The following VAC14 variants were observed in gnomAD, a reference collection of about 807,000 sequenced individuals.
VAC14 encodes the protein VAC14 component of PIKFYVE complex, also known as protein VAC14 homolog.
VAC14 carries 47 observed loss-of-function variants against 85.3 expected under a neutral mutation model. The ratio of observed to expected loss-of-function variants is 0.55; its 90% CI spans 0.44 to 0.70. The LOEUF is 0.70. VAC14 is among the 30% of genes least tolerant of loss of function. The pLI, the probability that VAC14 is intolerant of heterozygous loss-of-function variation, is 0.00. For missense variants in VAC14, 861 were observed against 1,004.3 expected (o/e 0.86, Z 1.93); for synonymous variants, 447 against 430.5 (o/e 1.04, Z -0.47).
At chr16:70,742,383 T>C (rs1359576568) in intron 13 of VAC14, among the ~76,000 whole-genome samples, 1 of 143,996 alleles carries the variant, frequency 6.9e-6, no homozygotes, top group African/African-American at 2.5e-5. Context: ...CTTCCTTTCC[T>C]ACCCCCTTTG....
intron 14 of VAC14, among the ~76,000 whole-genome samples, chr16:70,722,542 G>A (rs1386006327): frequency 4.6e-5 from 7 of 152,218 alleles, no homozygotes; most frequent in South Asian, 2.1e-4. Flanking sequence ...AGGGAGAAGC[G>A]CACGGGGCTG....
chr16:70,784,952 A>C, intron 3 of VAC14, 114 bp from the exon 4 acceptor site: 1 of 886,332 alleles, frequency 1.1e-6, no homozygotes, highest in Non-Finnish European at 1.9e-6. Context: ...CAGAACATCT[A>C]GCAAGAACAT....
chr16:70,748,956 A>C (rs895805400), intron 12 of VAC14, among the ~76,000 whole-genome samples: 1 of 152,148 alleles, frequency 6.6e-6, no homozygotes, highest in Admixed American at 6.5e-5. Flanking sequence ...ACAAAACAAA[A>C]AAACAAAACC....
rs200901789 is a variant in VAC14, at chr16:70,735,709, CG to C, written c.1529-4083del. ...GAACCTCCTAGACAGCTCGCGTGAG[CG>C]GCATGAAGGAGCCCTGAGTGAGAAG... On this transcript the variant is annotated intron_variant, in intron 13 of 18. Transcript: ENST00000261776. Among the ~76,000 whole-genome samples the C allele has an allele frequency of 5.7e-3, 861 of 152,380 alleles. 8 individuals are homozygous for C. Among genetic ancestry groups the C allele is most frequent in the African/African-American group, 0.02 (823 of 41,596 alleles).
intron 14 of VAC14, among the ~76,000 whole-genome samples, chr16:70,724,545 G>A (rs1233471474): frequency 6.6e-6 from 1 of 152,216 alleles, no homozygotes; most frequent in Non-Finnish European, 1.5e-5. Context: ...GTGTCAGACT[G>A]GGCCTCTTGG....
At chr16:70,783,200 A>C in intron 6 of VAC14, 61 bp from the exon 7 acceptor site, 1 of 1,540,046 alleles carries the variant, frequency 6.5e-7, no homozygotes, top group Non-Finnish European at 8.9e-7. Flanking sequence ...AGGAGCCTCA[A>C]ACCAGCCCCA....
At chr16:70,741,621 C>G (rs957028573) in intron 13 of VAC14, among the ~76,000 whole-genome samples, 1 of 152,216 alleles carries the variant, frequency 6.6e-6, no homozygotes, top group Non-Finnish European at 1.5e-5. Flanking sequence ...CCCACTGCTC[C>G]TTGGCTGTGG....
At chr16:70,688,135 CA>C in intron 18 of VAC14, 45 bp from the exon 19 acceptor site, 1 of 1,470,428 alleles carries the variant, frequency 6.8e-7, no homozygotes, top group South Asian at 1.4e-5. Context: ...GATCAGCTCA[CA>C]GGGGGGTTAC....
intron 10 of VAC14, chr16:70,768,905 A>C (rs1274187392): frequency 2.3e-6 from 1 of 440,166 alleles, no homozygotes; most frequent in Non-Finnish European, 4.6e-6. Context: ...GGTTCAAGCA[A>C]TTCTCCTGCT....
intron 14 of VAC14, among the ~76,000 whole-genome samples, chr16:70,719,749 TG>T (rs2054243521): frequency 6.6e-6 from 1 of 152,256 alleles, no homozygotes; most frequent in Admixed American, 6.5e-5. Context: ...GTGGAGCAAC[TG>T]GAACTCTCCC....
intron 18 of VAC14, chr16:70,691,930 C>T (rs1460917302): frequency 4.1e-6 from 4 of 985,230 alleles, no homozygotes; most frequent in Non-Finnish European, 2.4e-6. Context: ...GGCGCCAGGC[C>T]TGCTGAGTGG....
Position 70,692,818 on chromosome 16 carries a change from C to G in VAC14, c.2186+3G>C, listed in dbSNP as rs1029026688. On this transcript the variant is annotated splice_donor_region_variant and intron_variant, in intron 18 of 18. Coordinates refer to ENST00000261776, the MANE Select transcript of VAC14 (RefSeq NM_018052.5). ...GGGGCAGCAGTCCCCAGCCGGCACT[C>G]ACTCGGTCTGCAGCAGCTCAGGGTT... 1.3e-6 allele frequency: 2 copies of G among 1,596,638 alleles called. No homozygotes were observed. The highest frequency in any genetic ancestry group is 2.7e-5 in the African/African-American group (2 of 74,862).
At chr16:70,754,260 G>A (rs1477988813) in intron 12 of VAC14, among the ~76,000 whole-genome samples, 2 of 152,214 alleles carry the variant, frequency 1.3e-5, no homozygotes, top group Non-Finnish European at 2.9e-5. Context: ...GGAAGAATGA[G>A]GGGTGGGTAG....
At chr16:70,689,832 G>C in intron 18 of VAC14, 1 of 985,464 alleles carries the variant, frequency 1.0e-6, no homozygotes, top group Non-Finnish European at 1.2e-6. Context: ...GTAACCTTGG[G>C]AACCAGGTGC....
At chr16:70,690,944 G>A in intron 18 of VAC14, 3 of 985,276 alleles carry the variant, frequency 3.0e-6, no homozygotes, top group Non-Finnish European at 3.6e-6. Flanking sequence ...TACTGACCAA[G>A]TAACCAAGAA....
chr16:70,700,315 G>A (rs567325526), intron 14 of VAC14: 1 of 152,414 alleles, frequency 6.6e-6, no homozygotes, highest in Non-Finnish European at 1.5e-5. Flanking sequence ...GCGGCACAGG[G>A]AGGGGGTGGC....
chr16:70,756,723 C>T (rs1235021125), intron 12 of VAC14, among the ~76,000 whole-genome samples: 3 of 152,256 alleles, frequency 2.0e-5, no homozygotes, highest in East Asian at 1.9e-4. Context: ...GGGGAGGCAC[C>T]GGGCCACCTT....
chr16:70,721,679 C>A (rs942392165), intron 14 of VAC14, among the ~76,000 whole-genome samples: 124 of 152,074 alleles, frequency 8.2e-4, no homozygotes, highest in South Asian at 4.2e-4. Context: ...CAGCTCTGTC[C>A]CCGTCTGCTG....
chr16:70,766,495 C>T, intron 10 of VAC14: 1 of 456,806 alleles, frequency 2.2e-6, no homozygotes, highest in South Asian at 1.5e-5. Context: ...CAGGCTGCTA[C>T]TGAGGCGGTC....
Sources: gnomAD v4.1 joint callset for allele counts (sites outside exome capture counted in the v4.1 genomes callset) on GRCh38, gnomAD v4.1.1 for gene constraint, MANE v1.5 for transcripts, NCBI Gene and HGNC (gene_info 2026-07-23, HGNC 2026-07-21) for gene names.